Variants in ARHGAP31 observed in about 807,000 individuals in gnomAD.
The protein encoded by ARHGAP31 is rho GTPase-activating protein 31.
Under a neutral mutation model 113.9 loss-of-function variants are expected in ARHGAP31, and 34 were observed. That is an observed-to-expected ratio of 0.30 (90% CI 0.23 to 0.40). ARHGAP31 has a LOEUF of 0.40. ARHGAP31 is among the 10% of genes least tolerant of loss of function. The pLI, the probability that ARHGAP31 is intolerant of heterozygous loss-of-function variation, is 1.00. For synonymous variants in ARHGAP31, 650 were observed against 684.8 expected, an observed-to-expected ratio of 0.95 and a Z score of 0.79; for missense variants, 1,548 against 1,767.1, an observed-to-expected ratio of 0.88 and a Z score of 2.22.
Position 119,418,568 on chromosome 3 carries a change from T to G in ARHGAP31, c.*2304T>G, listed in dbSNP as rs918139700. 6.7e-6 allele frequency: 1 copy of G among 148,786 alleles called. No homozygotes were observed. The highest frequency in any genetic ancestry group is 1.5e-5 in the Non-Finnish European group (1 of 68,018). 9.2% of individuals were successfully genotyped at this position (148,786 alleles called of 1,614,324 possible). ...AACTATTTTATGATTATTTTAAATG[T>G]TTGTTTGGTAACATTTATAAGATCT... On this transcript the variant is annotated 3_prime_UTR_variant, in exon 12 of 12. Coordinates refer to ENST00000264245, the MANE Select transcript of ARHGAP31 (RefSeq NM_020754.4).
At chr3:119,359,130 G>A (rs2080183294) in intron 1 of ARHGAP31, among the ~76,000 whole-genome samples, 2 of 151,486 alleles carry the variant, frequency 1.3e-5, no homozygotes, top group Admixed American at 1.3e-4. Flanking sequence ...CGATTCTCCT[G>A]CCTCAGCCTC....
At chr3:119,394,762 C>A (rs143958451) in intron 8 of ARHGAP31, among the ~76,000 whole-genome samples, 25 of 152,054 alleles carry the variant, frequency 1.6e-4, no homozygotes, top group Non-Finnish European at 1.5e-5. Context: ...CGAGACCAGC[C>A]TGAGGAACAT....
At position 119,381,718 on chromosome 3, in the gene ARHGAP31, T is replaced by C. The variant is rs114532780; in HGVS notation, c.432-574T>C. Among the ~76,000 whole-genome samples, 813 of 152,290 alleles carry C rather than the reference T, an allele frequency of 5.3e-3. 7 individuals carry two copies. Among genetic ancestry groups the C allele is most frequent in the Admixed American group, 0.013 (206 of 15,304 alleles). ...AAGAGCCTCCAGGCGGCCTGTGTGGTGGCTCATGCCTGTAATCCCAGCACT... is the reference window on the plus strand; with the variant it reads ...AAGAGCCTCCAGGCGGCCTGTGTGGCGGCTCATGCCTGTAATCCCAGCACT... On this transcript the variant is annotated intron_variant, in intron 4 of 11. Coordinates refer to ENST00000264245, the MANE Select transcript of ARHGAP31 (RefSeq NM_020754.4).
intron 1 of ARHGAP31, among the ~76,000 whole-genome samples, chr3:119,349,515 G>A (rs2080092065): frequency 6.6e-6 from 1 of 152,238 alleles, no homozygotes; most frequent in South Asian, 2.1e-4. Flanking sequence ...GAAGAGAACT[G>A]TGAGGAGTTT....
At chr3:119,384,564 G>A (rs1374863394) in intron 6 of ARHGAP31, among the ~76,000 whole-genome samples, 1 of 152,156 alleles carries the variant, frequency 6.6e-6, no homozygotes, top group Non-Finnish European at 1.5e-5. Flanking sequence ...GGTGAGAGAT[G>A]GAAAGTCAAG....
intron 1 of ARHGAP31, among the ~76,000 whole-genome samples, chr3:119,327,188 C>T (rs2079852759): frequency 1.3e-5 from 2 of 152,032 alleles, no homozygotes; most frequent in African/African-American, 4.8e-5. Context: ...CTCATGGTCA[C>T]TTTCTCAGTG....
intron 1 of ARHGAP31, among the ~76,000 whole-genome samples, chr3:119,357,753 G>T (rs188158561): frequency 1.3e-5 from 2 of 152,136 alleles, no homozygotes; most frequent in South Asian, 2.1e-4. Context: ...CTAACTAACC[G>T]TTCCCAAAGG....
At chr3:119,371,725 T>G (rs1203853865) in intron 3 of ARHGAP31, among the ~76,000 whole-genome samples, 1 of 152,160 alleles carries the variant, frequency 6.6e-6, no homozygotes, top group Non-Finnish European at 1.5e-5. Context: ...CACGGGGGTT[T>G]GTTGTACAGA....
In ARHGAP31 at chr3:119,401,859, C is replaced by T. The variant is rs2080611187; in HGVS notation, c.1107C>T (p.Thr369=). ...ETKGNFNRTV[T]TGGFFIPATK... ...AGGGAAATTTCAATCGAACAGTTAC[C>T]ACCGGTGGATTTTTCATTCCAGCAA... The change falls in exon 10 of 12, where the codon ACC becomes ACT. Residue 369 remains threonine, a synonymous_variant. Coordinates refer to ENST00000264245, the MANE Select transcript of ARHGAP31 (RefSeq NM_020754.4). 8.7e-6 allele frequency: 14 copies of T among 1,614,058 alleles called. No homozygotes were observed. Among genetic ancestry groups the T allele is most frequent in the Non-Finnish European group, 1.2e-5 (14 of 1,180,018 alleles).
chr3:119,409,675 G>A lies in ARHGAP31; in HGVS notation c.1825G>A (p.Glu609Lys), dbSNP rs765461069. Residue 609 changes from glutamate to lysine, a missense_variant, in exon 11 of 12, where the codon GAG becomes AAG. Coordinates refer to ENST00000264245, the MANE Select transcript of ARHGAP31 (RefSeq NM_020754.4). ...TGAATTAGAGAAGAGGCCAAATCCG[G>A]AGAAGGTGGTGGAGGAGGGACGAGA... is the stretch of plus-strand genomic sequence containing the variant. ...LNELEKRPNP[E>K]KVVEEGREAG... 1 of 1,611,896 alleles carries A rather than the reference G, an allele frequency of 6.2e-7. No individual in the cohort carries two copies. The highest frequency in any genetic ancestry group is 1.1e-5 in the South Asian group (1 of 90,652).
intron 1 of ARHGAP31, among the ~76,000 whole-genome samples, chr3:119,299,780 C>T (rs1308702390): frequency 2.0e-5 from 3 of 152,172 alleles, no homozygotes; most frequent in East Asian, 1.9e-4. Context: ...GAAGAAAATT[C>T]GCAAGTTTTG....
At chr3:119,386,352 G>A (rs747709668) in intron 6 of ARHGAP31, among the ~76,000 whole-genome samples, 3 of 152,134 alleles carry the variant, frequency 2.0e-5, no homozygotes, top group Admixed American at 1.3e-4. Flanking sequence ...TCCAAGGGCC[G>A]GTAGATTCAG....
At position 119,409,483 on chromosome 3, in the gene ARHGAP31, A is replaced by T; in HGVS notation, c.1646-13A>T. ...AAGTCTCCTTTAACTGATAACTCTC[A>T]TTTTCACTGCAGCTTCTGTACCTAA... On this transcript the variant is annotated splice_polypyrimidine_tract_variant and intron_variant, in intron 10 of 11. Transcript: ENST00000264245. The T allele has an allele frequency of 6.2e-7, 1 of 1,613,922 alleles. No homozygotes were observed. Among genetic ancestry groups the T allele is most frequent in the Middle Eastern group, 1.7e-4 (1 of 6,056 alleles).
intron 1 of ARHGAP31, among the ~76,000 whole-genome samples, chr3:119,310,698 C>A (rs538022152): frequency 6.6e-6 from 1 of 152,276 alleles, no homozygotes; most frequent in Admixed American, 6.5e-5. Flanking sequence ...AAGTTGTCTT[C>A]CACGAAACTG....
chr3:119,351,623 A>G (rs1437852277), intron 1 of ARHGAP31, among the ~76,000 whole-genome samples: 1 of 119,528 alleles, frequency 8.4e-6, no homozygotes, highest in Non-Finnish European at 1.8e-5. Context: ...AAAAAAAAAG[A>G]GAGGTGGCCT....
chr3:119,402,459 T>A, intron 10 of ARHGAP31, 62 bp downstream of exon 10: 2 of 1,560,582 alleles, frequency 1.3e-6, no homozygotes, highest in Non-Finnish European at 8.8e-7. Flanking sequence ...TTAAATTTGC[T>A]TGAGTTTGCA....
chr3:119,390,817 C>T lies in ARHGAP31; in HGVS notation c.715C>T (p.Pro239Ser), dbSNP rs767363335. 1 of 1,613,178 alleles carries T rather than the reference C, an allele frequency of 6.2e-7. No homozygotes were observed. The highest frequency in any genetic ancestry group is 1.7e-5 in the Admixed American group (1 of 60,020). The change falls in exon 7 of 12, where the codon CCA becomes TCA. Residue 239 changes from proline (P) to serine (S), a missense_variant. Pro to Ser is a moderately conservative substitution (Grantham distance 74). Coordinates refer to ENST00000264245, the MANE Select transcript of ARHGAP31 (RefSeq NM_020754.4). ...GCCCATCATGAAGAGCCTGACCTTG[C>T]CAGCCCTCTCCCTGCCCATGAAGCT... ...NRPIMKSLTL[P>S]ALSLPMKLVS...
At chr3:119,413,351 G>A (rs965833474) in intron 11 of ARHGAP31, among the ~76,000 whole-genome samples, 3 of 151,206 alleles carry the variant, frequency 2.0e-5, no homozygotes, top group Non-Finnish European at 2.9e-5. Context: ...AAAAAAGAAC[G>A]ATATTTACTT....
chr3:119,388,640 ATGTATT>A (rs1215179462), intron 6 of ARHGAP31, among the ~76,000 whole-genome samples: 3 of 152,244 alleles, frequency 2.0e-5, no homozygotes, highest in Middle Eastern at 3.4e-3. Context: ...TGGGTTCCGG[ATGTATT>A]TTGGAGGTAG....
Sources: gnomAD v4.1 joint callset for allele counts (sites outside exome capture counted in the v4.1 genomes callset) on GRCh38, gnomAD v4.1.1 for gene constraint, MANE v1.5 for transcripts, NCBI Gene and HGNC (gene_info 2026-07-23, HGNC 2026-07-21) for gene names.